Variants in SAXO1 observed in about 807,000 individuals in gnomAD.
SAXO1 encodes the protein stabilizer of axonemal microtubules 1, also known as 4930500O09Rik.
A neutral mutation model predicts 17.5 loss-of-function variants in SAXO1; 21 were observed. That is an observed-to-expected ratio of 1.20 (90% confidence interval 0.85 to 1.72). SAXO1 has a LOEUF of 1.72. Among genes scored for constraint, SAXO1 ranks in the 40% most tolerant of loss-of-function variants. The pLI, the probability that SAXO1 is intolerant of heterozygous loss-of-function variation, is 0.00. For synonymous variants in SAXO1, 274 were observed against 216.5 expected (o/e 1.27, Z -2.33); for missense variants, 843 against 596.0 (o/e 1.41, Z -4.32).
chr9:18,941,311 TA>T (rs34888749), intron 3 of SAXO1, among the ~76,000 whole-genome samples: 112,339 of 151,366 alleles, frequency 0.74, 41,869 homozygotes, highest in African/African-American at 0.83. Flanking sequence ...GCTACTATGC[TA>T]AAAAAAAAAG....
At chr9:18,996,704 C>CTTTT (rs1834017901) in intron 1 of SAXO1, among the ~76,000 whole-genome samples, 1 of 152,044 alleles carries the variant, frequency 6.6e-6, no homozygotes, top group South Asian at 2.1e-4. Context: ...ATGATAAAGG[C>CTTTT]CACGGATGAA....
chr9:18,937,106 T>G (rs1174543806), intron 3 of SAXO1, among the ~76,000 whole-genome samples: 1 of 152,176 alleles, frequency 6.6e-6, no homozygotes, highest in Non-Finnish European at 1.5e-5. Flanking sequence ...GGAAAAGACT[T>G]AAGAAAGCAG....
chr9:18,960,821 A>G (rs1832453203), intron 1 of SAXO1, among the ~76,000 whole-genome samples: 1 of 152,186 alleles, frequency 6.6e-6, no homozygotes, highest in South Asian at 2.1e-4. Flanking sequence ...AAGAATACAT[A>G]CTTTATGATT....
intron 1 of SAXO1, among the ~76,000 whole-genome samples, chr9:18,967,804 C>A (rs1832784715): frequency 6.8e-6 from 1 of 146,142 alleles, no homozygotes; most frequent in East Asian, 2.0e-4. Flanking sequence ...AAAAAAAAAA[C>A]TCCTGCAGCT....
At chr9:19,016,944 A>C (rs757274161) in intron 1 of SAXO1, among the ~76,000 whole-genome samples, 1 of 151,210 alleles carries the variant, frequency 6.6e-6, no homozygotes, top group Non-Finnish European at 1.5e-5. Flanking sequence ...ACAACCACCC[A>C]CCTTCCTCTG....
At chr9:18,995,886 C>G (rs1332595896) in intron 1 of SAXO1, among the ~76,000 whole-genome samples, 1 of 151,962 alleles carries the variant, frequency 6.6e-6, no homozygotes, top group Non-Finnish European at 1.5e-5. Context: ...TTGAGACCAG[C>G]CTGGCCAACG....
At chr9:18,997,731 T>A (rs115713980) in intron 1 of SAXO1, among the ~76,000 whole-genome samples, 1 of 152,118 alleles carries the variant, frequency 6.6e-6, no homozygotes, top group African/African-American at 2.4e-5. Context: ...AGATACTTCA[T>A]ACAGGTGGGT....
intron 1 of SAXO1, among the ~76,000 whole-genome samples, chr9:19,042,078 T>C (rs2171953): frequency 0.35 from 52,922 of 150,680 alleles, 10,104 homozygotes; most frequent in East Asian, 0.43. Context: ...TATAAGGAGC[T>C]CAAACAACTC....
At chr9:18,987,836 G>T (rs1413500789) in intron 1 of SAXO1, among the ~76,000 whole-genome samples, 1 of 151,582 alleles carries the variant, frequency 6.6e-6, no homozygotes, top group Non-Finnish European at 1.5e-5. Context: ...GGTTAAGGCT[G>T]CAGTGAGCAG....
intron 1 of SAXO1, chr9:19,027,799 C>T: frequency 6.6e-7 from 1 of 1,510,366 alleles, no homozygotes; most frequent in East Asian, 2.3e-5. Context: ...GCTTCCAGCC[C>T]AACACCCAAG....
At chr9:18,973,600 T>C (rs974322919) in intron 1 of SAXO1, among the ~76,000 whole-genome samples, 2 of 152,250 alleles carry the variant, frequency 1.3e-5, no homozygotes, top group African/African-American at 4.8e-5. Context: ...CTGCACTGGA[T>C]AAGACAAGCT....
Position 18,952,894 on chromosome 9 carries a change from T to C in SAXO1, c.39-1957A>G, listed in dbSNP as rs115482277. Among the ~76,000 whole-genome samples the C allele has an allele frequency of 8.9e-3, 1,351 of 152,346 alleles. 28 individuals are homozygous for C. The highest frequency in any genetic ancestry group is 0.03 in the African/African-American group (1,249 of 41,584). On this transcript the variant is annotated intron_variant, in intron 1 of 3. Transcript: ENST00000380534. ...ACCCCTTTAATAAAATATCTCCTAA[T>C]TGTTGGCAAATAAATTGAGAACTTT...
chr9:18,999,563 C>CCCAG (rs1834161686), intron 1 of SAXO1, among the ~76,000 whole-genome samples: 1 of 148,178 alleles, frequency 6.7e-6, no homozygotes, highest in African/African-American at 2.5e-5. Context: ...AGCGCCGCTG[C>CCCAG]CTGGCCGCCA....
intron 1 of SAXO1, among the ~76,000 whole-genome samples, chr9:18,979,356 A>C (rs551330300): frequency 1.6e-4 from 24 of 152,364 alleles, no homozygotes; most frequent in Admixed American, 1.6e-3. Flanking sequence ...TGAGGGTAGA[A>C]AAATGTGTAA....
intron 1 of SAXO1, among the ~76,000 whole-genome samples, chr9:18,969,059 T>G (rs1832847306): frequency 1.1e-5 from 1 of 90,950 alleles, no homozygotes; most frequent in Non-Finnish European, 1.9e-5. Context: ...CTTTTTGCAG[T>G]TTTTTTTTTT....
At chr9:18,967,744 G>A (rs114934771) in intron 1 of SAXO1, among the ~76,000 whole-genome samples, 223 of 152,150 alleles carry the variant, frequency 1.5e-3, no homozygotes, top group Middle Eastern at 6.8e-3. Context: ...CCCTTTCCAC[G>A]GGAGTGAATG....
intron 1 of SAXO1, among the ~76,000 whole-genome samples, chr9:19,001,956 A>T (rs543032163): frequency 2.2e-4 from 34 of 152,288 alleles, no homozygotes; most frequent in African/African-American, 7.2e-4. Flanking sequence ...TGAATCCAGG[A>T]GCTGGTTTTT....
intron 1 of SAXO1, among the ~76,000 whole-genome samples, chr9:19,046,663 T>C (rs1243352540): frequency 6.6e-6 from 1 of 150,920 alleles, no homozygotes; most frequent in African/African-American, 2.4e-5. Flanking sequence ...GATCATGCCA[T>C]TGCACTCCAG....
At chr9:19,042,914 A>G (rs1836111888) in intron 1 of SAXO1, among the ~76,000 whole-genome samples, 1 of 152,072 alleles carries the variant, frequency 6.6e-6, no homozygotes. Flanking sequence ...GTTGATGCCT[A>G]TAATACCCGC....
Sources: allele counts gnomAD v4.1 joint callset (sites outside exome capture counted in the v4.1 genomes callset), GRCh38; gene constraint gnomAD v4.1.1; transcripts MANE v1.5; gene names NCBI Gene and HGNC (gene_info 2026-07-23, HGNC 2026-07-21).